EIF4E3: variants seen among roughly 807,000 people sequenced by gnomAD.
EIF4E3 encodes eukaryotic translation initiation factor 4E type 3.
A neutral mutation model predicts 31.7 loss-of-function variants in EIF4E3; 26 were observed. That is an observed-to-expected ratio of 0.82 (90% CI 0.60 to 1.14). The LOEUF is 1.14. Among genes scored for constraint, EIF4E3 ranks in the 50% most tolerant of loss-of-function variants. EIF4E3 has a pLI of 0.00. For missense variants in EIF4E3, 304 were observed against 270.9 expected (o/e 1.12, Z -0.86); for synonymous variants, 128 against 107.7 (o/e 1.19, Z -1.17).
chr3:71,696,394 G>A lies in EIF4E3; in HGVS notation c.405+66C>T. The A allele has an allele frequency of 5.1e-6, 8 of 1,576,446 alleles. No individual in the cohort carries two copies. The South Asian group carries it at 6.7e-5, about 13-fold the overall frequency. ...ATAGGCTATCTGCAAAGCACAAAAT[G>A]CTGATGACAGGCAGTCAACAACTCC... On this transcript the variant is annotated intron_variant, in intron 4 of 6. Transcript: ENST00000425534.
chr3:71,695,445 A>C (rs1452833675), intron 4 of EIF4E3, among the ~76,000 whole-genome samples: 1 of 152,224 alleles, frequency 6.6e-6, no homozygotes, highest in Non-Finnish European at 1.5e-5. Context: ...CTAGAGTTCA[A>C]AGTCTAGTAA....
Position 71,683,711 on chromosome 3 carries a change from G to A in EIF4E3, c.*971C>T, listed in dbSNP as rs1444398041. 1 of 152,198 alleles carries A rather than the reference G, an allele frequency of 6.6e-6. No individual in the cohort carries two copies. The highest frequency in any genetic ancestry group is 1.5e-5 in the Non-Finnish European group (1 of 68,046). 9.4% of individuals were successfully genotyped at this position (152,198 alleles called of 1,614,324 possible). A position where few individuals can be genotyped will look rare whatever the true frequency, so the allele number is the denominator to read the frequency against. On this transcript the variant is annotated 3_prime_UTR_variant, in exon 7 of 7. Coordinates refer to ENST00000425534, the MANE Select transcript of EIF4E3 (RefSeq NM_001134651.2). ...CAGGCTGGAGGACTACTGATGATGA[G>A]AAATGACACACAATGTGAGCAGGGA...
intron 1 of EIF4E3, among the ~76,000 whole-genome samples, chr3:71,721,080 A>G (rs1040513299): frequency 6.6e-6 from 1 of 152,274 alleles, no homozygotes; most frequent in East Asian, 1.9e-4. Flanking sequence ...TACTGCATTT[A>G]AAGTGCCTGT....
chr3:71,668,454 C>G, the EIF4E3 span, among the ~76,000 whole-genome samples: 12 of 152,138 alleles, frequency 7.9e-5, no homozygotes, highest in South Asian at 2.1e-3. Context: ...TCAGAGTGAA[C>G]AGGCAACCTA....
At chr3:71,726,533 C>G (rs2049641345), upstream of EIF4E3, among the ~76,000 whole-genome samples, 1 of 152,214 alleles carries the variant, frequency 6.6e-6, no homozygotes, top group Admixed American at 6.5e-5. Context: ...TGGCTTTGAA[C>G]AGTGAAGGGC....
chr3:71,707,367 T>C (rs2049308163), intron 2 of EIF4E3, among the ~76,000 whole-genome samples: 1 of 152,124 alleles, frequency 6.6e-6, no homozygotes, highest in African/African-American at 2.4e-5. Context: ...CCTAGCCAGG[T>C]AACTGATGGA....
chr3:71,687,145 C>G (rs966287603), intron 6 of EIF4E3, among the ~76,000 whole-genome samples: 4 of 152,172 alleles, frequency 2.6e-5, no homozygotes, highest in African/African-American at 7.2e-5. Context: ...GGATTATAGG[C>G]ACCTGCCACC....
chr3:71,714,540 A>T (rs1362288777), intron 1 of EIF4E3, among the ~76,000 whole-genome samples: 1 of 152,170 alleles, frequency 6.6e-6, no homozygotes, highest in Non-Finnish European at 1.5e-5. Flanking sequence ...GGGCCAGAGG[A>T]AGGCATGGCG....
chr3:71,716,157 TC>T (rs1425018952), intron 1 of EIF4E3, among the ~76,000 whole-genome samples: 2 of 151,686 alleles, frequency 1.3e-5, no homozygotes, highest in Non-Finnish European at 2.9e-5. Flanking sequence ...GCCACTAGAA[TC>T]CCTGGCAAAA....
chr3:71,694,297 T>C (rs1019242934), intron 4 of EIF4E3, among the ~76,000 whole-genome samples: 1 of 152,252 alleles, frequency 6.6e-6, no homozygotes, highest in Admixed American at 6.5e-5. Flanking sequence ...AGAAGCTGAT[T>C]ATATGTGGAT....
intron 2 of EIF4E3, among the ~76,000 whole-genome samples, chr3:71,700,554 C>A (rs9870511): frequency 0.086 from 12,661 of 147,478 alleles, 821 homozygotes; most frequent in African/African-American, 0.18. Context: ...GCGGAGGTTG[C>A]AGTGAGCCGA....
At chr3:71,661,019 G>T in the EIF4E3 span, among the ~76,000 whole-genome samples, 140 of 152,044 alleles carry the variant, frequency 9.2e-4, no homozygotes, top group Non-Finnish European at 1.3e-3. Context: ...GCAGGGATGC[G>T]AGCGTTTCAT....
At chr3:71,659,895 G>C in the EIF4E3 span, among the ~76,000 whole-genome samples, 1 of 152,184 alleles carries the variant, frequency 6.6e-6, no homozygotes, top group Non-Finnish European at 1.5e-5. Context: ...TACATTACTG[G>C]GAGGAGGCCA....
At chr3:71,661,514 C>T in the EIF4E3 span, among the ~76,000 whole-genome samples, 4 of 152,104 alleles carry the variant, frequency 2.6e-5, no homozygotes, top group Non-Finnish European at 5.9e-5. Flanking sequence ...ATTTCCCATG[C>T]GTCAAATAAA....
rs145879433 is a variant in EIF4E3 at position 71,690,133 on chromosome 3, G to T, written c.505C>A (p.Arg169=). ...ACTTGGACGACGTCTTCTCGGTCCCGAACACTGACACTAACTCCTATTACT... is the reference window on the plus strand; with the variant it reads ...ACTTGGACGACGTCTTCTCGGTCCCTAACACTGACACTAACTCCTATTACT... ...DEVIGVSVSV[R]DREDVVQVWN... The change falls in exon 6 of 7, where the codon CGG becomes AGG. Residue 169 remains arginine (R), a synonymous_variant. Transcript: ENST00000425534. 1 of 1,611,922 alleles carries T rather than the reference G, an allele frequency of 6.2e-7. No homozygotes were observed. Among genetic ancestry groups the T allele is most frequent in the Non-Finnish European group, 8.5e-7 (1 of 1,179,438 alleles).
At chr3:71,733,861 A>G (rs2108139590) in intron 1 of EIF4E3, among the ~76,000 whole-genome samples, 1 of 151,246 alleles carries the variant, frequency 6.6e-6, no homozygotes, top group Middle Eastern at 3.4e-3. Flanking sequence ...TCTTGAAAGG[A>G]AGCTGCATTA....
chr3:71,754,598 G>A (rs1578400111), upstream of EIF4E3: 2 of 1,430,546 alleles, frequency 1.4e-6, no homozygotes, highest in Non-Finnish European at 9.2e-7. This position sits in a 1 kb window ranked among gnomAD's most constrained non-coding sequence, Gnocchi z 5.8. Context: ...CCCCCGGCGC[G>A]CTGGGCTTCC....
intron 6 of EIF4E3, among the ~76,000 whole-genome samples, chr3:71,685,409 G>A (rs1171262622): frequency 1.3e-5 from 2 of 152,148 alleles, no homozygotes; most frequent in Non-Finnish European, 2.9e-5. Context: ...GCCCAGGCTG[G>A]AGTGCAGTGG....
intron 2 of EIF4E3, among the ~76,000 whole-genome samples, chr3:71,709,814 A>G (rs1459890162): frequency 6.6e-6 from 1 of 152,214 alleles, no homozygotes; most frequent in South Asian, 2.1e-4. Flanking sequence ...TGGCATAAAC[A>G]TAATCTTATT....
Sources: gnomAD v4.1 joint callset for allele counts (sites outside exome capture counted in the v4.1 genomes callset) on GRCh38, gnomAD v4.1.1 for gene constraint, Gnocchi (gnomAD v3.1) non-coding constraint, MANE v1.5 for transcripts, NCBI Gene and HGNC (gene_info 2026-07-23, HGNC 2026-07-21) for gene names.